The following FAR2 variants were observed in gnomAD, a reference collection of about 807,000 sequenced individuals.
FAR2 encodes the protein fatty acyl-CoA reductase 2.
Under a neutral mutation model 56.0 loss-of-function variants are expected in FAR2, and 19 were observed. The ratio of observed to expected loss-of-function variants is 0.34; its 90% CI spans 0.24 to 0.50. The LOEUF is 0.50. Among genes scored for constraint, FAR2 ranks in the 20% least tolerant of loss-of-function variants. FAR2 has a pLI of 0.98. For missense variants in FAR2, 508 were observed against 642.2 expected (o/e 0.79, Z 2.26); for synonymous variants, 219 against 218.8 (o/e 1.00, Z -0.01).
chr12:29,218,065 G>A (rs1023132027), intron 1 of FAR2, among the ~76,000 whole-genome samples: 7 of 152,010 alleles, frequency 4.6e-5, no homozygotes, highest in African/African-American at 1.7e-4. Flanking sequence ...AAATTAAGAT[G>A]GGCTTGATTG....
chr12:29,320,098 C>G (rs529745886), intron 9 of FAR2, among the ~76,000 whole-genome samples: 2 of 152,224 alleles, frequency 1.3e-5, no homozygotes, highest in East Asian at 3.9e-4. Flanking sequence ...GTCCCAGCTA[C>G]TCAGGAGTCT....
At chr12:29,302,094 G>A (rs1162588759) in intron 4 of FAR2, 1 of 152,222 alleles carries the variant, frequency 6.6e-6, no homozygotes, top group Non-Finnish European at 1.5e-5. Context: ...GCCGGGCGTG[G>A]TGGTGGGCGC....
intron 1 of FAR2, among the ~76,000 whole-genome samples, chr12:29,176,079 A>G (rs1476680579): frequency 6.6e-6 from 1 of 152,254 alleles, no homozygotes; most frequent in Non-Finnish European, 1.5e-5. Flanking sequence ...AGATACGTAC[A>G]TAGTAATTAA....
At chr12:29,322,285 A>G (rs1267005234) in intron 10 of FAR2, among the ~76,000 whole-genome samples, 1 of 152,188 alleles carries the variant, frequency 6.6e-6, no homozygotes, top group Admixed American at 6.5e-5. Flanking sequence ...TATGACTTCA[A>G]TGAAAAATAA....
intron 1 of FAR2, among the ~76,000 whole-genome samples, chr12:29,221,705 G>A (rs1363256575): frequency 1.3e-5 from 2 of 152,034 alleles, no homozygotes; most frequent in Non-Finnish European, 2.9e-5. Flanking sequence ...TGCTATATAC[G>A]TAAGAATGAT....
intron 1 of FAR2, among the ~76,000 whole-genome samples, chr12:29,220,472 G>A (rs1947673097): frequency 6.6e-6 from 1 of 152,162 alleles, no homozygotes; most frequent in East Asian, 1.9e-4. Context: ...TTTAATGGAT[G>A]AGTATGCAGA....
chr12:29,323,010 C>T (rs1949578398), intron 10 of FAR2, among the ~76,000 whole-genome samples: 2 of 152,224 alleles, frequency 1.3e-5, no homozygotes, highest in Admixed American at 1.3e-4. Flanking sequence ...CAGAAATCAC[C>T]CGTCTTCTGC....
intron 1 of FAR2, among the ~76,000 whole-genome samples, chr12:29,255,010 C>T (rs1468437986): frequency 6.6e-6 from 1 of 151,698 alleles, no homozygotes; most frequent in Non-Finnish European, 1.5e-5. Flanking sequence ...GATTGTGATG[C>T]ATTATTTGAC....
intron 1 of FAR2, among the ~76,000 whole-genome samples, chr12:29,152,684 T>G (rs1002664473): frequency 1.3e-5 from 2 of 152,232 alleles, no homozygotes; most frequent in South Asian, 2.1e-4. Context: ...TTCAGTAAAC[T>G]TATGACATCA....
At chr12:29,316,107 A>C (rs1245015630) in intron 8 of FAR2, among the ~76,000 whole-genome samples, 1 of 152,164 alleles carries the variant, frequency 6.6e-6, no homozygotes, top group Non-Finnish European at 1.5e-5. Context: ...TACCATAATA[A>C]GTGATATCAT....
At chr12:29,267,971 C>T (rs528069622) in intron 1 of FAR2, among the ~76,000 whole-genome samples, 26 of 152,300 alleles carry the variant, frequency 1.7e-4, no homozygotes, top group Admixed American at 1.3e-3. Context: ...TGTTCATCTG[C>T]GTGTCTTCAG....
chr12:29,264,616 A>AAAATAAATAAATAAAT (rs148784734), intron 1 of FAR2, among the ~76,000 whole-genome samples: 51 of 130,134 alleles, frequency 3.9e-4, no homozygotes, highest in Middle Eastern at 3.8e-3. Flanking sequence ...ATCCTGTCTC[A>AAAATAAATAAATAAAT]AAATAAATAA....
intron 2 of FAR2, among the ~76,000 whole-genome samples, chr12:29,272,340 C>G (rs1948633589): frequency 6.6e-6 from 1 of 152,062 alleles, no homozygotes; most frequent in Admixed American, 6.6e-5. Context: ...CTTTTCATTC[C>G]TTTTTCTCTA....
intron 1 of FAR2, among the ~76,000 whole-genome samples, chr12:29,253,274 TATATCG>T (rs201048337): frequency 0.18 from 2,785 of 15,622 alleles, 456 homozygotes; most frequent in African/African-American, 0.22. Context: ...TAGATATCTA[TATATCG>T]ATATCTATAT....
intron 1 of FAR2, among the ~76,000 whole-genome samples, chr12:29,210,338 C>T (rs990738938): frequency 5.3e-5 from 8 of 152,102 alleles, no homozygotes; most frequent in Admixed American, 5.2e-4. Flanking sequence ...GTAACAGAAA[C>T]TCAAAAATAC....
At chr12:29,202,323 T>A (rs1468001832) in intron 1 of FAR2, among the ~76,000 whole-genome samples, 1 of 152,196 alleles carries the variant, frequency 6.6e-6, no homozygotes, top group African/African-American at 2.4e-5. Context: ...ATATAGTACA[T>A]GATCATTGGG....
chr12:29,162,362 T>A (rs562753840), intron 1 of FAR2, among the ~76,000 whole-genome samples: 5 of 152,362 alleles, frequency 3.3e-5, no homozygotes, highest in African/African-American at 1.2e-4. Context: ...GGGCACACAG[T>A]AGCAGTCTGG....
intron 1 of FAR2, among the ~76,000 whole-genome samples, chr12:29,155,615 A>G (rs1184453091): frequency 6.6e-6 from 1 of 152,246 alleles, no homozygotes; most frequent in Non-Finnish European, 1.5e-5. Flanking sequence ...AAAGAATAAT[A>G]TTCTGTGACA....
In FAR2 at chr12:29,282,955, A is replaced by G. The variant is rs1948810503; in HGVS notation, c.190-10345A>G. Among the ~76,000 whole-genome samples, 3 of 151,908 alleles carry G rather than the reference A, an allele frequency of 2.0e-5. No homozygotes were observed. In the South Asian group the frequency reaches 6.3e-4, roughly 32 times the overall value. On this transcript the variant is annotated intron_variant, in intron 2 of 11. Transcript: ENST00000536681. Reference sequence around the variant, plus strand: ...CTTAAAGGGACATACCAGTGGGGGGAAAGTATATGAATTAATGGCAGGATT... The same window carrying G: ...CTTAAAGGGACATACCAGTGGGGGGGAAGTATATGAATTAATGGCAGGATT...
Sources: allele counts gnomAD v4.1 joint callset (sites outside exome capture counted in the v4.1 genomes callset), GRCh38; gene constraint gnomAD v4.1.1; transcripts MANE v1.5; gene names NCBI Gene and HGNC (gene_info 2026-07-23, HGNC 2026-07-21).